Variants in DCAF1 observed in about 807,000 individuals in gnomAD.
DCAF1 encodes DDB1- and CUL4-associated factor 1.
Under a neutral mutation model 128.0 loss-of-function variants are expected in DCAF1, and 15 were observed. The ratio of observed to expected loss-of-function variants is 0.12; its 90% CI spans 0.08 to 0.18. DCAF1 has a LOEUF of 0.18. Among genes scored for constraint, DCAF1 ranks in the 10% least tolerant of loss-of-function variants. The pLI is 1.00. For synonymous variants in DCAF1, 610 were observed against 603.0 expected, an observed-to-expected ratio of 1.01 and a Z score of -0.17; for missense variants, 988 against 1,649.5, an observed-to-expected ratio of 0.60 and a Z score of 6.95.
intron 23 of DCAF1, among the ~76,000 whole-genome samples, chr3:51,404,443 CTTT>C (rs1441166739): frequency 6.6e-6 from 1 of 151,992 alleles, no homozygotes; most frequent in Non-Finnish European, 1.5e-5. Flanking sequence ...GTGGTTACAT[CTTT>C]TTTCATTTTG....
At position 51,445,327 on chromosome 3, in the gene DCAF1, T is replaced by C. The variant is rs115348489; in HGVS notation, c.376-1424A>G. 1.5e-3 allele frequency among the ~76,000 whole-genome samples: 234 copies of C among 152,334 alleles called. 2 individuals carry two copies. The highest frequency in any genetic ancestry group is 5.3e-3 in the African/African-American group (222 of 41,580). On this transcript the variant is annotated intron_variant, in intron 6 of 24. Coordinates refer to ENST00000684031, the MANE Select transcript of DCAF1 (RefSeq NM_001387579.1). ...TTTTGAACTACATAAATTGTGATAG[T>C]GTATATATTTTGCTGCAACTTATTT...
intron 6 of DCAF1, among the ~76,000 whole-genome samples, chr3:51,453,071 G>T (rs1553641881): frequency 6.6e-6 from 1 of 150,942 alleles, no homozygotes; most frequent in East Asian, 1.9e-4. Flanking sequence ...CAAATATATT[G>T]CCATAAATGC....
intron 2 of DCAF1, among the ~76,000 whole-genome samples, chr3:51,493,253 C>A (rs1454918181): frequency 6.6e-6 from 1 of 151,706 alleles, no homozygotes; most frequent in African/African-American, 2.4e-5. Context: ...TAAGACCAGC[C>A]TGACCAACAT....
chr3:51,493,633 G>A (rs1707908402), intron 2 of DCAF1, among the ~76,000 whole-genome samples: 1 of 152,124 alleles, frequency 6.6e-6, no homozygotes, highest in Admixed American at 6.6e-5. Flanking sequence ...ACATGCTACA[G>A]ATGTGGAAAA....
Position 51,469,308 on chromosome 3 carries a change from G to A in DCAF1, c.187+1621C>T, listed in dbSNP as rs1422682087. Reference sequence around the variant, plus strand: ...TTCAATGGCATGATCTTGGCTCACCGCAACCTCTGCCTCCTGGGTTCAAGC... The same window carrying A: ...TTCAATGGCATGATCTTGGCTCACCACAACCTCTGCCTCCTGGGTTCAAGC... On this transcript the variant is annotated intron_variant, in intron 4 of 24. Coordinates refer to ENST00000684031, the MANE Select transcript of DCAF1 (RefSeq NM_001387579.1). Among the ~76,000 whole-genome samples the A allele has an allele frequency of 8.2e-5, 11 of 134,414 alleles. No homozygotes were observed. The South Asian group carries it at 1.2e-3, about 15-fold the overall frequency. The allele number at this position is 134,414 out of a possible 152,430, so 88.2% of individuals were successfully genotyped here.
chr3:51,416,988 GGA>G lies in DCAF1; in HGVS notation c.3519-119_3519-118del, dbSNP rs1370237940. On this transcript the variant is annotated intron_variant, in intron 17 of 24. Coordinates refer to ENST00000684031, the MANE Select transcript of DCAF1 (RefSeq NM_001387579.1). ...ACAATCACACTCACCTAAAGATCCT[GGA>G]CTCCCAAAGAGGAAACAATCATACA... 4 of 1,466,962 alleles carry G rather than the reference GGA, an allele frequency of 2.7e-6. No homozygotes were observed. In the African/African-American group the frequency reaches 5.6e-5, roughly 21 times the overall value. The allele number at this position is 1,466,962 out of a possible 1,614,324, so 90.9% of individuals were successfully genotyped here. A position where few individuals can be genotyped will look rare whatever the true frequency, so the allele number is the denominator to read the frequency against.
intron 6 of DCAF1, among the ~76,000 whole-genome samples, chr3:51,456,202 C>T (rs965287029): frequency 2.6e-5 from 4 of 152,186 alleles, no homozygotes; most frequent in South Asian, 2.1e-4. Context: ...CGGATCACTC[C>T]GACCCTAATA....
At chr3:51,440,868 T>G in intron 9 of DCAF1, 102 bp downstream of exon 9, 1 of 943,946 alleles carries the variant, frequency 1.1e-6, no homozygotes, top group Non-Finnish European at 1.6e-6. Flanking sequence ...ATCGCACCAC[T>G]GCACTCCAGC....
intron 6 of DCAF1, among the ~76,000 whole-genome samples, chr3:51,447,764 A>G (rs1407499946): frequency 3.9e-5 from 6 of 152,228 alleles, no homozygotes; most frequent in South Asian, 2.1e-4. Flanking sequence ...CCTGGTCAAC[A>G]TGGCAAAACT....
Position 51,419,966 on chromosome 3 carries a change from G to A in DCAF1, c.3004C>T (p.Pro1002Ser). The change falls in exon 15 of 25, where the codon CCT becomes TCT. Residue 1002 changes from proline to serine, a missense_variant. Around this residue, in one of 11 missense-constraint regions of DCAF1, gnomAD observed 105 missense variants for 266.7 expected, o/e 0.39. Transcript: ENST00000684031. ...TCTGTGATTATACTGTCCAGCGTAG[G>A]TGGGGAAGGAAGATGTCTGTCCAGC... ...KQLDRHLPSP[P>S]TLDSIITEYL... 6.2e-7 allele frequency: 1 copy of A among 1,614,054 alleles called. No individual in the cohort carries two copies. Among genetic ancestry groups the A allele is most frequent in the Non-Finnish European group, 8.5e-7 (1 of 1,179,906 alleles).
At chr3:51,398,962 T>C in intron 24 of DCAF1, 135 bp from the exon 25 acceptor site, 3 of 1,098,492 alleles carry the variant, frequency 2.7e-6, no homozygotes, top group Non-Finnish European at 3.9e-6. Context: ...AGAAAACACA[T>C]CAATTAACTC....
chr3:51,444,242 G>A (rs1577165503), intron 6 of DCAF1, among the ~76,000 whole-genome samples: 1 of 152,084 alleles, frequency 6.6e-6, no homozygotes, highest in South Asian at 2.1e-4. Context: ...GATCAACTGG[G>A]GATCACTGAA....
At position 51,440,884 on chromosome 3, in the gene DCAF1, C is replaced by A; in HGVS notation, c.1128+86G>T. The A allele has an allele frequency of 3.5e-6, 4 of 1,148,786 alleles. No homozygotes were observed. The South Asian group carries it at 5.8e-5, about 17-fold the overall frequency. 71.2% of individuals were successfully genotyped at this position (1,148,786 alleles called of 1,614,324 possible). A position where few individuals can be genotyped will look rare whatever the true frequency, so the allele number is the denominator to read the frequency against. On this transcript the variant is annotated intron_variant, in intron 9 of 24. Coordinates refer to ENST00000684031, the MANE Select transcript of DCAF1 (RefSeq NM_001387579.1). ...TCGCACCACTGCACTCCAGCCTGGGCGACAGAGTGAGACTCCATCTTAAAT... is the reference window on the plus strand; with the variant it reads ...TCGCACCACTGCACTCCAGCCTGGGAGACAGAGTGAGACTCCATCTTAAAT...
At chr3:51,490,591 T>C (rs1295298139) in intron 2 of DCAF1, among the ~76,000 whole-genome samples, 4 of 152,112 alleles carry the variant, frequency 2.6e-5, no homozygotes, top group African/African-American at 9.7e-5. Context: ...TGGTAATACA[T>C]TCCAACGTGG....
At chr3:51,406,298 G>C (rs571649937) in intron 23 of DCAF1, among the ~76,000 whole-genome samples, 306 of 136,320 alleles carry the variant, frequency 2.2e-3, no homozygotes, top group Middle Eastern at 4.2e-3. Flanking sequence ...AGCCGAGATC[G>C]CGCCACTGCA....
At chr3:51,455,170 A>G (rs1702765525) in intron 6 of DCAF1, among the ~76,000 whole-genome samples, 1 of 152,188 alleles carries the variant, frequency 6.6e-6, no homozygotes, top group African/African-American at 2.4e-5. Context: ...AAAACACAGC[A>G]CAAAAGAGAT....
At chr3:51,440,602 TAAAA>T (rs1559513277) in intron 9 of DCAF1, among the ~76,000 whole-genome samples, 2 of 151,868 alleles carry the variant, frequency 1.3e-5, no homozygotes, top group African/African-American at 4.8e-5. Flanking sequence ...GACCTATCTC[TAAAA>T]ATAAATAAGT....
intron 15 of DCAF1, 117 bp downstream of exon 15, chr3:51,419,617 T>A (rs1699217191): frequency 2.0e-6 from 3 of 1,467,066 alleles, no homozygotes; most frequent in Non-Finnish European, 2.7e-6. Context: ...ATTGTTCAAG[T>A]ATTACACAAA....
Position 51,441,833 on chromosome 3 carries a change from T to A in DCAF1, c.578A>T (p.Asn193Ile). 2 of 1,613,424 alleles carry A rather than the reference T, an allele frequency of 1.2e-6. No individual in the cohort carries two copies. The highest frequency in any genetic ancestry group is 1.7e-6 in the Non-Finnish European group (2 of 1,179,856). Residue 193 changes from asparagine (N) to isoleucine (I), a missense_variant, in exon 8 of 25, where the codon AAC becomes ATC. Asn to Ile is a moderately radical substitution (Grantham distance 149). Coordinates refer to ENST00000684031, the MANE Select transcript of DCAF1 (RefSeq NM_001387579.1). ...GAGCTTCCGTGGACTGGGACGCTTG[T>A]TTTCCTGCCGCAAAGCCACTTCCTG... ...QLQEVALRQE[N>I]KRPSPRKLSS...
Sources: allele counts gnomAD v4.1 joint callset (sites outside exome capture counted in the v4.1 genomes callset), GRCh38; gene constraint gnomAD v4.1.1; regional missense constraint gnomAD v4.1.1; transcripts MANE v1.5; gene names NCBI Gene and HGNC (gene_info 2026-07-23, HGNC 2026-07-21).